The following ERBB4 variants were observed in gnomAD, a reference collection of about 807,000 sequenced individuals.
ERBB4 encodes the protein erb-b2 receptor tyrosine kinase 4, also known as receptor tyrosine-protein kinase erbB-4.
ERBB4 carries 42 observed loss-of-function variants against 158.0 expected under a neutral mutation model. The observed-to-expected ratio is 0.27, with a 90% CI of 0.21 to 0.34. The LOEUF is 0.34. Among genes scored for constraint, ERBB4 ranks in the 10% least tolerant of loss-of-function variants. The pLI is 1.00. For missense variants in ERBB4, 1,333 were observed against 1,624.1 expected (o/e 0.82, Z 3.08); for synonymous variants, 583 against 558.7 (o/e 1.04, Z -0.61).
intron 19 of ERBB4, among the ~76,000 whole-genome samples, chr2:211,615,907 TG>T (rs2069369303): frequency 1.3e-5 from 2 of 152,128 alleles, no homozygotes; most frequent in Admixed American, 1.3e-4. Context: ...AATAAGATTG[TG>T]CAATTTCCAT....
chr2:212,307,844 G>A (rs2086870298), intron 1 of ERBB4, among the ~76,000 whole-genome samples: 1 of 150,558 alleles, frequency 6.6e-6, no homozygotes, highest in Admixed American at 6.7e-5. Flanking sequence ...CCCAGAACAG[G>A]CCACCACACT....
At chr2:211,655,544 C>T (rs2071179739) in intron 16 of ERBB4, among the ~76,000 whole-genome samples, 1 of 152,178 alleles carries the variant, frequency 6.6e-6, no homozygotes, top group Admixed American at 6.5e-5. Context: ...CTCAGAAAAT[C>T]TGATTCTAAA....
chr2:212,293,862 A>AC (rs990368910), intron 1 of ERBB4, among the ~76,000 whole-genome samples: 3 of 143,124 alleles, frequency 2.1e-5, no homozygotes, highest in African/African-American at 2.5e-5. Flanking sequence ...AAAAAAACAA[A>AC]AAAAAAAAAA....
intron 1 of ERBB4, among the ~76,000 whole-genome samples, chr2:212,438,537 T>A (rs115607683): frequency 1.6e-3 from 241 of 152,210 alleles, no homozygotes; most frequent in African/African-American, 5.3e-3. Context: ...CCTATAAGTG[T>A]TTGTGAATGA....
intron 1 of ERBB4, among the ~76,000 whole-genome samples, chr2:212,226,760 TA>T (rs1346164111): frequency 6.6e-6 from 1 of 152,044 alleles, no homozygotes; most frequent in Non-Finnish European, 1.5e-5. Flanking sequence ...TATGCAAAAA[TA>T]AATAAATGGA....
At chr2:212,204,773 G>A (rs1435728591) in intron 1 of ERBB4, among the ~76,000 whole-genome samples, 1 of 146,724 alleles carries the variant, frequency 6.8e-6, no homozygotes, top group Non-Finnish European at 1.5e-5. Flanking sequence ...TTGGAACACA[G>A]TTCTAAATCT....
intron 1 of ERBB4, among the ~76,000 whole-genome samples, chr2:212,181,865 G>T (rs1170301172): frequency 1.3e-5 from 2 of 151,758 alleles, no homozygotes; most frequent in Non-Finnish European, 3.0e-5. Flanking sequence ...TACCCACAAA[G>T]GGGCAGTTAC....
At chr2:212,468,829 A>T (rs1042874115) in intron 1 of ERBB4, among the ~76,000 whole-genome samples, 2 of 152,234 alleles carry the variant, frequency 1.3e-5, no homozygotes, top group African/African-American at 4.8e-5. Context: ...TCAAAATTCA[A>T]CACAACCATT....
chr2:211,809,669 G>A (rs981648422), intron 3 of ERBB4, among the ~76,000 whole-genome samples: 3 of 151,796 alleles, frequency 2.0e-5, no homozygotes, highest in Non-Finnish European at 4.4e-5. Context: ...TTTTTGAAGG[G>A]GTTTTGGGTC....
intron 1 of ERBB4, among the ~76,000 whole-genome samples, chr2:212,346,838 GAAAT>G: frequency 6.6e-6 from 1 of 152,178 alleles, no homozygotes; most frequent in South Asian, 2.1e-4. Flanking sequence ...GGGACGGAAG[GAAAT>G]AAATAATTAA....
At chr2:211,597,897 T>A (rs775480559) in intron 19 of ERBB4, among the ~76,000 whole-genome samples, 1 of 152,136 alleles carries the variant, frequency 6.6e-6, no homozygotes, top group Non-Finnish European at 1.5e-5. Context: ...AAAGATTATA[T>A]CTTTGTATGT....
At chr2:212,207,326 T>C (rs2082794106) in intron 1 of ERBB4, among the ~76,000 whole-genome samples, 1 of 152,212 alleles carries the variant, frequency 6.6e-6, no homozygotes, top group African/African-American at 2.4e-5. Flanking sequence ...TTGATCACAA[T>C]TTATATGAAA....
chr2:211,434,171 A>ACTT (rs1389421849), intron 20 of ERBB4, among the ~76,000 whole-genome samples: 6 of 152,140 alleles, frequency 3.9e-5, no homozygotes, highest in African/African-American at 1.4e-4. Flanking sequence ...TATATTTCTT[A>ACTT]AACTTATGCA....
intron 3 of ERBB4, among the ~76,000 whole-genome samples, chr2:211,938,138 A>AT (rs1014096519): frequency 7.2e-5 from 11 of 152,262 alleles, no homozygotes; most frequent in East Asian, 1.9e-4. Context: ...CACTGTGTCT[A>AT]TTTTTTTACC....
rs754127388 is a variant in ERBB4 at position 211,431,049 on chromosome 2, G to A, written c.2539C>T (p.Arg847Cys). Residue 847 changes from arginine to cysteine, a missense_variant, in exon 21 of 28, where the codon CGT becomes TGT. This residue lies in a region of ERBB4 where 314 missense variants were observed against 437.6 expected (regional missense o/e 0.72). Transcript: ENST00000342788. ...RRLVHRDLAA[R>C]NVLVKSPNHV... ...TTTGGAGATTTCACTAAGACATTAC[G>A]GGCTGCCAAATCCCGATGAACGAGT... 3.7e-6 allele frequency: 6 copies of A among 1,613,618 alleles called. No homozygotes were observed. Among genetic ancestry groups the A allele is most frequent in the Non-Finnish European group, 5.1e-6 (6 of 1,179,764 alleles).
At chr2:212,424,621 T>A (rs2105916162) in intron 1 of ERBB4, among the ~76,000 whole-genome samples, 1 of 152,280 alleles carries the variant, frequency 6.6e-6, no homozygotes, top group Non-Finnish European at 1.5e-5. Flanking sequence ...GATGTCTTAC[T>A]GGAGCAATGA....
At chr2:211,772,028 A>G (rs10432527) in intron 4 of ERBB4, among the ~76,000 whole-genome samples, 22,346 of 152,204 alleles carry the variant, frequency 0.15, 1,857 homozygotes, top group South Asian at 0.33. Context: ...GGTAATATAT[A>G]CTAGAAATTC....
At chr2:212,442,821 A>C (rs2105983419) in intron 1 of ERBB4, among the ~76,000 whole-genome samples, 1 of 152,264 alleles carries the variant, frequency 6.6e-6, no homozygotes, top group South Asian at 2.1e-4. Flanking sequence ...ATCAAAGACA[A>C]TATCACATCC....
chr2:211,485,806 T>C (rs1312958936), intron 20 of ERBB4, among the ~76,000 whole-genome samples: 1 of 151,802 alleles, frequency 6.6e-6, no homozygotes, highest in East Asian at 1.9e-4. Flanking sequence ...CATATACATA[T>C]GTAACTAACC....
Sources: allele counts gnomAD v4.1 joint callset (sites outside exome capture counted in the v4.1 genomes callset), GRCh38; gene constraint gnomAD v4.1.1; regional missense constraint gnomAD v4.1.1; transcripts MANE v1.5; gene names NCBI Gene and HGNC (gene_info 2026-07-23, HGNC 2026-07-21).